Variants in NBEAL1 observed in about 807,000 individuals in gnomAD.
NBEAL1 encodes the protein neurobeachin-like protein 1.
A neutral mutation model predicts 351.3 loss-of-function variants in NBEAL1; 273 were observed. The observed-to-expected ratio is 0.78, with a 90% CI of 0.70 to 0.86. The LOEUF is 0.86. NBEAL1 is among the 40% of genes least tolerant of loss of function. The probability of loss-of-function intolerance (pLI) is 0.00; values close to 1 mark genes in which losing one functional copy is unlikely to be tolerated. For synonymous variants in NBEAL1, 1,050 were observed against 1,086.4 expected (o/e 0.97, Z 0.66); for missense variants, 2,961 against 3,201.3 (o/e 0.92, Z 1.81).
intron 53 of NBEAL1, among the ~76,000 whole-genome samples, chr2:203,209,717 G>GTGTGTGTA (rs1559068872): frequency 1.3e-5 from 2 of 150,542 alleles, no homozygotes; most frequent in Admixed American, 1.3e-4. Context: ...ATTAATATGT[G>GTGTGTGTA]TGTGTGTGTG....
chr2:203,052,719 G>GTTATTTAT (rs56277425), intron 4 of NBEAL1, among the ~76,000 whole-genome samples: 12,768 of 145,414 alleles, frequency 0.088, 668 homozygotes, highest in East Asian at 0.22. Context: ...ACCATGCCCA[G>GTTATTTAT]TTATTTATTT....
At chr2:203,147,731 G>A (rs2063547382) in intron 33 of NBEAL1, among the ~76,000 whole-genome samples, 1 of 151,876 alleles carries the variant, frequency 6.6e-6, no homozygotes, top group Admixed American at 6.6e-5. Flanking sequence ...CCCATTGTTA[G>A]ACTCATTTAC....
chr2:203,146,064 A>C (rs1172623104), intron 33 of NBEAL1, among the ~76,000 whole-genome samples: 1 of 151,810 alleles, frequency 6.6e-6, no homozygotes, highest in Non-Finnish European at 1.5e-5. Context: ...AGGCAGTATC[A>C]CCACTGACTC....
intron 42 of NBEAL1, among the ~76,000 whole-genome samples, chr2:203,176,399 A>AAAGTATCT (rs2064502398): frequency 6.6e-6 from 1 of 151,960 alleles, no homozygotes; most frequent in South Asian, 2.1e-4. Flanking sequence ...CAAAGTAAGT[A>AAAGTATCT]TCTGATAGAA....
intron 4 of NBEAL1, among the ~76,000 whole-genome samples, chr2:203,050,428 T>C (rs977115104): frequency 6.6e-6 from 1 of 152,184 alleles, no homozygotes; most frequent in Non-Finnish European, 1.5e-5. Flanking sequence ...CTATACCTAG[T>C]TATAGCAACA....
intron 33 of NBEAL1, among the ~76,000 whole-genome samples, chr2:203,148,767 TTTTTTTTTAAGTTTTA>T (rs2063572955): frequency 6.6e-6 from 1 of 151,032 alleles, no homozygotes; most frequent in Non-Finnish European, 1.5e-5. Flanking sequence ...GTTGGTTGGT[TTTTTTTTTAAGTTTTA>T]AAAAATATAA....
At chr2:203,066,698 A>C (rs940720712) in intron 6 of NBEAL1, among the ~76,000 whole-genome samples, 2 of 143,152 alleles carry the variant, frequency 1.4e-5, no homozygotes, top group African/African-American at 5.2e-5. Context: ...CACTTCCCAG[A>C]TGGGGCGGCC....
At chr2:203,040,926 A>T in intron 2 of NBEAL1, 2 of 326,432 alleles carry the variant, frequency 6.1e-6, no homozygotes, top group Non-Finnish European at 1.2e-5. Context: ...AGCACAGTGC[A>T]GTGGAAGCAT....
chr2:203,117,324 G>A (rs752624589), intron 18 of NBEAL1, among the ~76,000 whole-genome samples: 26 of 151,730 alleles, frequency 1.7e-4, no homozygotes, highest in Non-Finnish European at 3.1e-4. Flanking sequence ...TTAGCCAGGC[G>A]CGGTGGCGGG....
chr2:203,048,338 C>T (rs1301375219), intron 3 of NBEAL1, among the ~76,000 whole-genome samples: 1 of 148,234 alleles, frequency 6.7e-6, no homozygotes, highest in Non-Finnish European at 1.5e-5. Flanking sequence ...GCTGAGATCG[C>T]GCCACTGCAC....
In NBEAL1 at chr2:203,221,303, A is replaced by G. The variant is rs1362757072; in HGVS notation, c.*3949A>G. Among the ~76,000 whole-genome samples, 9 of 151,758 alleles carry G rather than the reference A, an allele frequency of 5.9e-5. No individual in the cohort carries two copies. Among genetic ancestry groups the G allele is most frequent in the Admixed American group, 2.0e-4 (3 of 15,240 alleles). On this transcript the variant is annotated 3_prime_UTR_variant, in exon 56 of 56. Transcript: ENST00000683969. ...GCTCCTTTTATATATTTATAAAATGAGTAGCATTATCTTTACCACCTTTCC... is the reference window on the plus strand; with the variant it reads ...GCTCCTTTTATATATTTATAAAATGGGTAGCATTATCTTTACCACCTTTCC...
Position 203,140,310 on chromosome 2 carries a change from A to G in NBEAL1, c.4848+1562A>G, listed in dbSNP as rs535161182. 3.3e-5 allele frequency among the ~76,000 whole-genome samples: 5 copies of G among 152,170 alleles called. No individual in the cohort carries two copies. In the South Asian group the frequency reaches 1.0e-3, roughly 32 times the overall value. ...AAGAGCAAAACTCTGTTAAAAAAAA[A>G]AAAAAAGAAAATACACAAAAGCATA... On this transcript the variant is annotated intron_variant, in intron 31 of 55. Coordinates refer to ENST00000683969, the MANE Select transcript of NBEAL1 (RefSeq NM_001378026.1).
Position 203,199,453 on chromosome 2 carries a change from T to C in NBEAL1, c.7238+6T>C, listed in dbSNP as rs767540468. Reference sequence around the variant, plus strand: ...CAAACTGTGACAAATCCAAAGTAAGTAAATGAATATGTAAAGCAAAATAGC... The same window carrying C: ...CAAACTGTGACAAATCCAAAGTAAGCAAATGAATATGTAAAGCAAAATAGC... On this transcript the variant is annotated splice_donor_region_variant and intron_variant, in intron 49 of 55. Coordinates refer to ENST00000683969, the MANE Select transcript of NBEAL1 (RefSeq NM_001378026.1). 48 of 1,466,314 alleles carry C rather than the reference T, an allele frequency of 3.3e-5. No homozygotes were observed. In the Admixed American group the frequency reaches 8.0e-4, roughly 24 times the overall value. The allele number at this position is 1,466,314 out of a possible 1,614,324, so 90.8% of individuals were successfully genotyped here. A position where few individuals can be genotyped will look rare whatever the true frequency, so the allele number is the denominator to read the frequency against.
intron 39 of NBEAL1, 141 bp downstream of exon 39, chr2:203,169,992 T>A (rs2064269856): frequency 3.4e-6 from 2 of 588,384 alleles, no homozygotes; most frequent in Non-Finnish European, 6.1e-6. Context: ...TGAATCTTCC[T>A]TTGTTTCCCT....
chr2:203,153,903 C>T (rs2063728053), intron 35 of NBEAL1, among the ~76,000 whole-genome samples: 1 of 152,018 alleles, frequency 6.6e-6, no homozygotes, highest in Non-Finnish European at 1.5e-5. Flanking sequence ...TTTTATGTCC[C>T]TTCTTAGTCT....
intron 7 of NBEAL1, among the ~76,000 whole-genome samples, chr2:203,069,111 T>C (rs1373586027): frequency 2.0e-5 from 3 of 152,224 alleles, no homozygotes; most frequent in African/African-American, 2.4e-5. Context: ...ATGTGACTTA[T>C]ATATGCCATC....
At chr2:203,170,146 G>A (rs568369723) in intron 39 of NBEAL1, among the ~76,000 whole-genome samples, 1 of 152,080 alleles carries the variant, frequency 6.6e-6, no homozygotes, top group African/African-American at 2.4e-5. Flanking sequence ...TGAGGCAGGC[G>A]GATCACCTGA....
At chr2:203,210,844 T>C in intron 53 of NBEAL1, 114 bp from the exon 54 acceptor site, 1 of 542,780 alleles carries the variant, frequency 1.8e-6, no homozygotes. Context: ...TAGCCATATT[T>C]TTATCCTAAA....
intron 8 of NBEAL1, among the ~76,000 whole-genome samples, chr2:203,079,138 G>A (rs889796645): frequency 6.6e-6 from 1 of 152,112 alleles, no homozygotes; most frequent in African/African-American, 2.4e-5. Flanking sequence ...GGAGTGCAGT[G>A]GCTCTATCAT....
Sources: gnomAD v4.1 joint callset for allele counts (sites outside exome capture counted in the v4.1 genomes callset) on GRCh38, gnomAD v4.1.1 for gene constraint, MANE v1.5 for transcripts, NCBI Gene and HGNC (gene_info 2026-07-23, HGNC 2026-07-21) for gene names.